The following SNX29 variants were observed in gnomAD, a reference collection of about 807,000 sequenced individuals.
SNX29 encodes sorting nexin 29, also known as sorting nexin-29.
A neutral mutation model predicts 102.1 loss-of-function variants in SNX29; 78 were observed. The observed-to-expected ratio is 0.76, with a 90% CI of 0.64 to 0.92. The LOEUF (loss-of-function observed/expected upper bound fraction) is 0.92, where lower values mean the gene tolerates loss of function less well. Ranked by LOEUF, SNX29 falls within the 40% of genes least tolerant of loss-of-function variation. The probability of loss-of-function intolerance (pLI) is 0.00; values close to 1 mark genes in which losing one functional copy is unlikely to be tolerated. For synonymous variants in SNX29, 580 were observed against 414.5 expected (o/e 1.40, Z -4.85); for missense variants, 1,280 against 1,061.7 (o/e 1.21, Z -2.86).
Position 12,571,417 on chromosome 16 carries a change from TC to T in SNX29, c.*2789del, listed in dbSNP as rs1670346449. 1 of 232,546 alleles carries T rather than the reference TC, an allele frequency of 4.3e-6. No homozygotes were observed. The highest frequency in any genetic ancestry group is 2.2e-5 in the African/African-American group (1 of 45,158). The allele number at this position is 232,546 out of a possible 1,614,324, so 14.4% of individuals were successfully genotyped here. A position where few individuals can be genotyped will look rare whatever the true frequency, so the allele number is the denominator to read the frequency against. On this transcript the variant is annotated 3_prime_UTR_variant, in exon 21 of 21. Coordinates refer to ENST00000566228, the MANE Select transcript of SNX29 (RefSeq NM_032167.5). ...GATTGCTTGCACCTCACATCTGTCT[TC>T]TTCTAAGATTACTCGGAGATTTTCA...
At chr16:12,277,068 T>C (rs907164229) in intron 14 of SNX29, among the ~76,000 whole-genome samples, 1 of 152,084 alleles carries the variant, frequency 6.6e-6, no homozygotes, top group Non-Finnish European at 1.5e-5. Flanking sequence ...TTTTTTGTTG[T>C]AGAAAAAGGA....
intron 13 of SNX29, among the ~76,000 whole-genome samples, chr16:12,195,243 C>T (rs530191450): frequency 2.0e-5 from 3 of 152,344 alleles, no homozygotes; most frequent in Admixed American, 2.0e-4. Context: ...CCTATAGCGT[C>T]CTATTATAGG....
At chr16:12,361,273 C>T (rs2082292429) in intron 16 of SNX29, among the ~76,000 whole-genome samples, 1 of 152,178 alleles carries the variant, frequency 6.6e-6, no homozygotes, top group Non-Finnish European at 1.5e-5. Context: ...AAGAGAGGGG[C>T]TCAGTGGGCA....
chr16:12,081,077 A>G (rs1457555850), intron 11 of SNX29, among the ~76,000 whole-genome samples: 5 of 152,230 alleles, frequency 3.3e-5, no homozygotes, highest in Admixed American at 1.3e-4. Context: ...GAGAGTCACT[A>G]TGAGTTAACG....
At chr16:12,106,809 T>C (rs185031397) in intron 11 of SNX29, among the ~76,000 whole-genome samples, 43 of 151,148 alleles carry the variant, frequency 2.8e-4, no homozygotes, top group Admixed American at 2.3e-3. Context: ...ACCCCCAACT[T>C]CCAGTAGTGC....
chr16:12,145,955 G>GT lies in SNX29; in HGVS notation c.1595+16199dup, dbSNP rs577880526. 6.6e-5 allele frequency among the ~76,000 whole-genome samples: 10 copies of GT among 152,316 alleles called. No homozygotes were observed. In the East Asian group the frequency reaches 1.9e-3, roughly 29 times the overall value. On this transcript the variant is annotated intron_variant, in intron 13 of 20. Coordinates refer to ENST00000566228, the MANE Select transcript of SNX29 (RefSeq NM_032167.5). The stretch of plus-strand genomic sequence containing the variant: ...AGATTCCAAAAAGTGAAATTCCCAT[G>GT]TTAGAAGGTAAGCATGTTTGTAAAG...
At chr16:12,537,079 C>A (rs1214555091) in intron 20 of SNX29, among the ~76,000 whole-genome samples, 1 of 152,170 alleles carries the variant, frequency 6.6e-6, no homozygotes, top group Non-Finnish European at 1.5e-5. Flanking sequence ...GTAGATTTAT[C>A]CATGTATCTC....
At chr16:12,557,379 C>CAAATA in intron 20 of SNX29, 1 of 152,070 alleles carries the variant, frequency 6.6e-6, no homozygotes, top group Non-Finnish European at 1.5e-5. Flanking sequence ...TGAGGGCTTG[C>CAAATA]GAATAGAAAC....
Position 12,089,796 on chromosome 16 carries a change from G to C in SNX29, c.1402+10881G>C. On this transcript the variant is annotated intron_variant, in intron 11 of 20. Coordinates refer to ENST00000566228, the MANE Select transcript of SNX29 (RefSeq NM_032167.5). ...CCTCTTGCGAAGAGCAGGCTCTGAA[G>C]CCTGCTTGCCACGCAGAGCACACTC... 4 of 355,356 alleles carry C rather than the reference G, an allele frequency of 1.1e-5. 1 individual carries two copies. The highest frequency in any genetic ancestry group is 8.7e-5 in the South Asian group (4 of 45,918). 22.0% of individuals were successfully genotyped at this position (355,356 alleles called of 1,614,324 possible). A position where few individuals can be genotyped will look rare whatever the true frequency, so the allele number is the denominator to read the frequency against.
In SNX29 at chr16:12,574,102, T is replaced by A. The variant is rs1259163869; in HGVS notation, c.*5473T>A. 5.3e-6 allele frequency: 1 copy of A among 187,174 alleles called. No individual in the cohort carries two copies. The highest frequency in any genetic ancestry group is 2.3e-5 in the African/African-American group (1 of 42,788). 11.6% of individuals were successfully genotyped at this position (187,174 alleles called of 1,614,324 possible). On this transcript the variant is annotated 3_prime_UTR_variant, in exon 21 of 21. Transcript: ENST00000566228. The stretch of plus-strand genomic sequence containing the variant: ...CGCCCTGAAACCTGTAGTATTATCT[T>A]AACTACCCTCTTATGTTAAGGTTTA...
At chr16:12,104,517 C>T (rs547285746) in intron 11 of SNX29, among the ~76,000 whole-genome samples, 15 of 152,088 alleles carry the variant, frequency 9.9e-5, no homozygotes, top group African/African-American at 3.6e-4. Context: ...GATTGCACCA[C>T]TGCACTCCAG....
intron 3 of SNX29, among the ~76,000 whole-genome samples, chr16:12,024,305 A>ATT (rs1004228861): frequency 6.6e-6 from 1 of 152,056 alleles, no homozygotes; most frequent in Admixed American, 6.6e-5. Context: ...CACCCAGCTC[A>ATT]TTTTATATAT....
At chr16:12,097,321 A>G (rs1390098726) in intron 11 of SNX29, among the ~76,000 whole-genome samples, 1 of 152,210 alleles carries the variant, frequency 6.6e-6, no homozygotes, top group East Asian at 1.9e-4. Context: ...TTGCACAGCT[A>G]GGCTCTTACT....
intron 19 of SNX29, among the ~76,000 whole-genome samples, chr16:12,500,786 G>T (rs185185705): frequency 6.6e-6 from 1 of 152,226 alleles, no homozygotes; most frequent in Admixed American, 6.5e-5. Flanking sequence ...CAGGTGGGTT[G>T]CATACACAAG....
chr16:12,039,189 A>G (rs3971416), intron 4 of SNX29, among the ~76,000 whole-genome samples: 1 of 152,236 alleles, frequency 6.6e-6, no homozygotes, highest in Non-Finnish European at 1.5e-5. Context: ...GCCCTCTGCT[A>G]TGAAGGGAAT....
At chr16:12,117,643 G>C (rs2053789726) in intron 11 of SNX29, among the ~76,000 whole-genome samples, 1 of 152,206 alleles carries the variant, frequency 6.6e-6, no homozygotes, top group Non-Finnish European at 1.5e-5. Flanking sequence ...TTGCTTAATG[G>C]GTAAGAGGTT....
At chr16:12,204,167 C>T (rs1459318208) in intron 14 of SNX29, among the ~76,000 whole-genome samples, 13 of 152,148 alleles carry the variant, frequency 8.5e-5, no homozygotes, top group Admixed American at 6.5e-4. Context: ...AGAGAGAAAG[C>T]GAACTCTGAT....
At chr16:11,997,551 C>A (rs1200851108) in intron 1 of SNX29, among the ~76,000 whole-genome samples, 1 of 151,828 alleles carries the variant, frequency 6.6e-6, no homozygotes, top group Non-Finnish European at 1.5e-5. Context: ...GATCTCAGCT[C>A]ACTGCAGCCA....
chr16:12,469,830 G>A (rs916253470), intron 18 of SNX29, among the ~76,000 whole-genome samples: 6 of 152,144 alleles, frequency 3.9e-5, no homozygotes, highest in Non-Finnish European at 7.3e-5. Context: ...GGCCAACATG[G>A]TGAAACCCCG....
Sources: allele counts gnomAD v4.1 joint callset (sites outside exome capture counted in the v4.1 genomes callset), GRCh38; gene constraint gnomAD v4.1.1; transcripts MANE v1.5; gene names NCBI Gene and HGNC (gene_info 2026-07-23, HGNC 2026-07-21).